Variants in NCKAP5 observed in about 807,000 individuals in gnomAD.
NCKAP5 encodes the protein nck-associated protein 5.
A neutral mutation model predicts 167.0 loss-of-function variants in NCKAP5; 92 were observed. The observed-to-expected ratio is 0.55, with a 90% CI of 0.47 to 0.66. The LOEUF is 0.66. NCKAP5 is among the 30% of genes least tolerant of loss of function. The probability of loss-of-function intolerance (pLI) is 0.00; values close to 1 mark genes in which losing one functional copy is unlikely to be tolerated. For synonymous variants in NCKAP5, 891 were observed against 877.4 expected (o/e 1.02, Z -0.27); for missense variants, 2,378 against 2,315.0 (o/e 1.03, Z -0.56).
At chr2:133,653,055 T>C in the NCKAP5 span, among the ~76,000 whole-genome samples, 1 of 152,344 alleles carries the variant, frequency 6.6e-6, no homozygotes, top group African/African-American at 2.4e-5. Context: ...ACTTCTCTCT[T>C]GCTCTTATGT....
chr2:133,355,284 G>T (rs773227237), intron 3 of NCKAP5, among the ~76,000 whole-genome samples: 3 of 151,966 alleles, frequency 2.0e-5, no homozygotes, highest in Non-Finnish European at 4.4e-5. Context: ...ACTCCTTCAG[G>T]GCTAGTTACT....
rs2079901851 is a variant in NCKAP5, at chr2:133,059,111, A to G, written c.342-64872T>C. ...TCAGGAAATCGAGACCATCCTGGCT[A>G]ACACGGTGAAACCCTGTCTCTACTA... is the stretch of plus-strand genomic sequence containing the variant. On this transcript the variant is annotated intron_variant, in intron 6 of 19. Coordinates refer to ENST00000409261, the MANE Select transcript of NCKAP5 (RefSeq NM_207363.3). Among the ~76,000 whole-genome samples the G allele has an allele frequency of 2.0e-5, 3 of 150,378 alleles. No homozygotes were observed. The South Asian group carries it at 6.4e-4, about 32-fold the overall frequency.
At chr2:133,603,891 T>C in the NCKAP5 span, among the ~76,000 whole-genome samples, 1 of 152,248 alleles carries the variant, frequency 6.6e-6, no homozygotes, top group African/African-American at 2.4e-5. Context: ...TTCTGATCTC[T>C]TAGCAACCAG....
At chr2:132,873,720 A>AT (rs1691025023) in intron 9 of NCKAP5, among the ~76,000 whole-genome samples, 1 of 152,116 alleles carries the variant, frequency 6.6e-6, no homozygotes, top group Non-Finnish European at 1.5e-5. Flanking sequence ...TGGGTCCACT[A>AT]TTTTTTTCAG....
chr2:133,619,806 G>C, the NCKAP5 span, among the ~76,000 whole-genome samples: 2 of 152,076 alleles, frequency 1.3e-5, no homozygotes, highest in African/African-American at 4.8e-5. Context: ...TAGCCATCAG[G>C]TTATCTAAAG....
At chr2:133,385,965 C>CA (rs1241341809) in intron 3 of NCKAP5, among the ~76,000 whole-genome samples, 1 of 140,946 alleles carries the variant, frequency 7.1e-6, no homozygotes, top group East Asian at 1.9e-4. Context: ...TGTTAGCGGT[C>CA]AATCAATTTT....
chr2:133,308,229 C>CA (rs1259224852), intron 3 of NCKAP5, among the ~76,000 whole-genome samples: 1 of 151,468 alleles, frequency 6.6e-6, no homozygotes, highest in African/African-American at 2.4e-5. Flanking sequence ...GCTGGGACTA[C>CA]AGGCGCCCGC....
intron 11 of NCKAP5, among the ~76,000 whole-genome samples, chr2:132,837,478 C>T (rs552477894): frequency 3.3e-5 from 5 of 152,092 alleles, no homozygotes; most frequent in Non-Finnish European, 5.9e-5. Context: ...AGCCCTTCTA[C>T]TGCGTCTTTT....
rs541760386 is a variant in NCKAP5, at chr2:132,736,184, T to G, written c.5129-4133A>C. Among the ~76,000 whole-genome samples the G allele has an allele frequency of 3.3e-5, 5 of 152,276 alleles. No homozygotes were observed. The East Asian group carries it at 9.7e-4, about 29-fold the overall frequency. Reference sequence around the variant, plus strand: ...GTGGACAGTCAGGGGCTCAGACACATGCCAAGTTTCCCTGCAAGAAAATGT... The same window carrying G: ...GTGGACAGTCAGGGGCTCAGACACAGGCCAAGTTTCCCTGCAAGAAAATGT... On this transcript the variant is annotated intron_variant, in intron 16 of 19. Transcript: ENST00000409261.
intron 16 of NCKAP5, among the ~76,000 whole-genome samples, chr2:132,752,493 T>C (rs893709435): frequency 6.6e-6 from 1 of 152,208 alleles, no homozygotes; most frequent in Admixed American, 6.5e-5. Context: ...TGATTCAGGC[T>C]GGCTGGTGTC....
At chr2:133,423,607 T>C (rs13407949) in intron 3 of NCKAP5, among the ~76,000 whole-genome samples, 20,689 of 152,208 alleles carry the variant, frequency 0.14, 1,606 homozygotes, top group Non-Finnish European at 0.18. Context: ...TGTTTGACAT[T>C]TATCTTGCAA....
At chr2:133,123,392 A>G (rs1028068412) in intron 6 of NCKAP5, 1 of 163,154 alleles carries the variant, frequency 6.1e-6, no homozygotes, top group Non-Finnish European at 1.4e-5. Context: ...ACACCAAAAT[A>G]TGATCCATAT....
At chr2:133,112,575 C>G (rs1285844793) in intron 6 of NCKAP5, among the ~76,000 whole-genome samples, 1 of 152,062 alleles carries the variant, frequency 6.6e-6, no homozygotes, top group Non-Finnish European at 1.5e-5. Flanking sequence ...TGGAACATAA[C>G]AAAAACCACT....
chr2:132,807,049 C>T (rs1229132561), intron 11 of NCKAP5, among the ~76,000 whole-genome samples: 2 of 152,062 alleles, frequency 1.3e-5, no homozygotes, highest in Non-Finnish European at 2.9e-5. Flanking sequence ...TTTGCTTTGT[C>T]TAAGATCAGT....
At chr2:133,608,532 G>C in the NCKAP5 span, among the ~76,000 whole-genome samples, 1 of 152,142 alleles carries the variant, frequency 6.6e-6, no homozygotes, top group African/African-American at 2.4e-5. Flanking sequence ...ATTAGAGACA[G>C]GGCTTTGTGG....
At chr2:133,526,968 T>C (rs961466744) in intron 2 of NCKAP5, 1 of 152,164 alleles carries the variant, frequency 6.6e-6, no homozygotes, top group African/African-American at 2.4e-5. Context: ...GTGAATTAAA[T>C]TAGAAAAATT....
At chr2:132,693,941 G>A (rs1687059589) in intron 19 of NCKAP5, among the ~76,000 whole-genome samples, 1 of 151,764 alleles carries the variant, frequency 6.6e-6, no homozygotes, top group African/African-American at 2.4e-5. Flanking sequence ...CTTGTGTTAA[G>A]CCCTCTCGTT....
rs1168078743 is a variant in NCKAP5 at position 132,852,581 on chromosome 2, T to C, written c.807+7911A>G. The stretch of plus-strand genomic sequence containing the variant: ...AGCTGGATGAGTTAATCTGGTATTG[T>C]TGCAAGAGGTTGGGAAGGCCAAACA... On this transcript the variant is annotated intron_variant, in intron 11 of 19. Transcript: ENST00000409261. 2.0e-5 allele frequency among the ~76,000 whole-genome samples: 3 copies of C among 152,208 alleles called. No homozygotes were observed. The East Asian group carries it at 5.8e-4, about 29-fold the overall frequency.
At chr2:132,788,050 C>T (rs952803995) in intron 13 of NCKAP5, among the ~76,000 whole-genome samples, 1 of 152,178 alleles carries the variant, frequency 6.6e-6, no homozygotes, top group South Asian at 2.1e-4. Flanking sequence ...AGCCACATTC[C>T]TCCTTCAGTC....
Sources: allele counts gnomAD v4.1 joint callset (sites outside exome capture counted in the v4.1 genomes callset), GRCh38; gene constraint gnomAD v4.1.1; transcripts MANE v1.5; gene names NCBI Gene and HGNC (gene_info 2026-07-23, HGNC 2026-07-21).